P2RX4: variants seen among roughly 807,000 people sequenced by gnomAD.
P2RX4 encodes the protein purinergic receptor P2X 4.
A neutral mutation model predicts 48.0 loss-of-function variants in P2RX4; 37 were observed. The observed-to-expected ratio is 0.77, with a 90% confidence interval of 0.59 to 1.01. P2RX4 has a LOEUF of 1.01. Ranked by LOEUF, P2RX4 falls within the 50% of genes least tolerant of loss-of-function variation. P2RX4 has a pLI of 0.00. For synonymous variants in P2RX4, 200 were observed against 199.7 expected (o/e 1.00, Z -0.01); for missense variants, 501 against 521.4 (o/e 0.96, Z 0.38).
chr12:121,223,555 T>C (rs1437908709), intron 5 of P2RX4: 1 of 176,794 alleles, frequency 5.7e-6, no homozygotes, highest in Non-Finnish European at 1.2e-5. Context: ...AGTGGCAAGA[T>C]GGGCCACAAG....
At chr12:121,212,836 T>TG (rs1885977438) in intron 1 of P2RX4, 1 of 124,502 alleles carries the variant, frequency 8.0e-6, no homozygotes. Flanking sequence ...TTTTTTTTTT[T>TG]TTTTGGAGAC....
intron 1 of P2RX4, chr12:121,212,824 A>ATATTTTTTT (rs370835501): frequency 9.9e-4 from 32 of 32,252 alleles, no homozygotes; most frequent in South Asian, 2.0e-3. Flanking sequence ...ATATATATAT[A>ATATTTTTTT]TTTTTTTTTT....
rs1566011593 is a variant in P2RX4 at position 121,230,974 on chromosome 12, ATATATATAT to A, written c.885-1438_885-1430del. On this transcript the variant is annotated intron_variant, in intron 8 of 11. Transcript: ENST00000337233. ...TAGCCATTATATATATAGCCATTAT[ATATATATAT>A]TTTTTTTTTTTTCTTCTTTTTTAAG... 2.1e-4 allele frequency among the ~76,000 whole-genome samples: 27 copies of A among 128,786 alleles called. 1 individual carries two copies. The South Asian group carries it at 5.0e-3, about 24-fold the overall frequency. 84.5% of individuals were successfully genotyped at this position (128,786 alleles called of 152,430 possible).
In P2RX4 at chr12:121,217,342, C is replaced by T. The variant is rs961073146; in HGVS notation, c.282+61C>T. 4.5e-6 allele frequency: 7 copies of T among 1,545,652 alleles called. No individual in the cohort carries two copies. In the Admixed American group the frequency reaches 6.7e-5, roughly 15 times the overall value. On this transcript the variant is annotated intron_variant, in intron 2 of 11. Transcript: ENST00000337233. ...CACCTTGCTCTTTACTGACTTTGCA[C>T]ACTTGATTAATGATTGACGTGGCCT...
At position 121,233,631 on chromosome 12, in the gene P2RX4, C is replaced by A; in HGVS notation, c.*82C>A. On this transcript the variant is annotated 3_prime_UTR_variant, in exon 12 of 12. Coordinates refer to ENST00000337233, the MANE Select transcript of P2RX4 (RefSeq NM_002560.3). ...AGGGAGAAATGGCCACCACATCACCCCAGAGAAATTTCTGGAATCTGATTG... is the reference window on the plus strand; with the variant it reads ...AGGGAGAAATGGCCACCACATCACCACAGAGAAATTTCTGGAATCTGATTG... The A allele has an allele frequency of 6.4e-7, 1 of 1,559,696 alleles. No individual in the cohort carries two copies.
chr12:121,222,078 C>G lies in P2RX4; in HGVS notation c.355-16C>G, dbSNP rs745969677. 3.1e-6 allele frequency: 5 copies of G among 1,612,650 alleles called. No individual in the cohort carries two copies. The highest frequency in any genetic ancestry group is 4.2e-6 in the Non-Finnish European group (5 of 1,178,690). On this transcript the variant is annotated splice_polypyrimidine_tract_variant and intron_variant, in intron 3 of 11. Transcript: ENST00000337233. ...CCGGGCCACGTGGACTTTCTTTTCG[C>G]TCCTTCTTTTTCCAGATTCCAGATG...
chr12:121,224,991 C>T lies in P2RX4; in HGVS notation c.524+1948C>T, dbSNP rs138316155. Reference sequence around the variant, plus strand: ...TCCAACACAGGAGACTCTGGCCACGCGTGGCTATTGAAAATTGAAATATGG... The same window carrying T: ...TCCAACACAGGAGACTCTGGCCACGTGTGGCTATTGAAAATTGAAATATGG... On this transcript the variant is annotated intron_variant, in intron 5 of 11. Coordinates refer to ENST00000337233, the MANE Select transcript of P2RX4 (RefSeq NM_002560.3). 8.6e-5 allele frequency among the ~76,000 whole-genome samples: 13 copies of T among 151,990 alleles called. No individual in the cohort carries two copies. The East Asian group carries it at 1.4e-3, about 16-fold the overall frequency.
At chr12:121,231,046 GGTGC>G (rs1887326079) in intron 8 of P2RX4, among the ~76,000 whole-genome samples, 1 of 150,476 alleles carries the variant, frequency 6.6e-6, no homozygotes, top group Non-Finnish European at 1.5e-5. Flanking sequence ...GGAGTGCAGT[GGTGC>G]GATTTCAGCT....
chr12:121,233,135 C>T (rs1314372242), intron 11 of P2RX4, 43 bp downstream of exon 11: 1 of 1,403,360 alleles, frequency 7.1e-7, no homozygotes, highest in Non-Finnish European at 1.0e-6. Context: ...CCTCTCATCT[C>T]TTGGGTGTGG....
rs922878185 is a variant in P2RX4 at position 121,232,343 on chromosome 12, C to CT, written c.885-70dup. 5 of 1,075,688 alleles carry CT rather than the reference C, an allele frequency of 4.6e-6. No homozygotes were observed. Among genetic ancestry groups the CT allele is most frequent in the African/African-American group, 4.6e-5 (3 of 64,764 alleles). 66.6% of individuals were successfully genotyped at this position (1,075,688 alleles called of 1,614,324 possible). A position where few individuals can be genotyped will look rare whatever the true frequency, so the allele number is the denominator to read the frequency against. ...ACCATTCACCTGTGCCAGCTCCACT[C>CT]TAACGTTCTCTCACAGGGCCCAAGG... On this transcript the variant is annotated intron_variant, in intron 8 of 11. Transcript: ENST00000337233. This position sits in a 1 kb window ranked among gnomAD's most constrained non-coding sequence, Gnocchi z 4.3.
intron 2 of P2RX4, 101 bp from the exon 3 acceptor site, chr12:121,221,812 G>C (rs781520313): frequency 1.1e-6 from 1 of 906,350 alleles, no homozygotes; most frequent in Non-Finnish European, 1.8e-6. Context: ...GGGAGAGCAC[G>C]CGGTCAGTGT....
chr12:121,232,599 G>A lies in P2RX4; in HGVS notation c.979-12G>A, dbSNP rs375448746. On this transcript the variant is annotated splice_polypyrimidine_tract_variant and intron_variant, in intron 9 of 11. Transcript: ENST00000337233. The surrounding 1 kb of genome is among the most constrained non-coding windows in gnomAD (Gnocchi z 4.3). Reference sequence around the variant, plus strand: ...GCAGAAACACTTTTTTTCTTTTTCGGTGTCTTGGCAGGCAGGGAAATTTGA... The same window carrying A: ...GCAGAAACACTTTTTTTCTTTTTCGATGTCTTGGCAGGCAGGGAAATTTGA... 214 of 1,613,496 alleles carry A rather than the reference G, an allele frequency of 1.3e-4. No homozygotes were observed. The highest frequency in any genetic ancestry group is 5.8e-4 in the Admixed American group (35 of 59,994).
At chr12:121,217,552 T>C (rs1332141813) in intron 2 of P2RX4, among the ~76,000 whole-genome samples, 1 of 152,014 alleles carries the variant, frequency 6.6e-6, no homozygotes, top group African/African-American at 2.4e-5. Context: ...CTGATAGAAA[T>C]TCAAGTGGAA....
Position 121,232,288 on chromosome 12 carries a change from G to A in P2RX4, c.885-126G>A, listed in dbSNP as rs376761521. On this transcript the variant is annotated intron_variant, in intron 8 of 11. Transcript: ENST00000337233. This position sits in a 1 kb window ranked among gnomAD's most constrained non-coding sequence, Gnocchi z 4.3. ...CCTCAGCCAGGAGAGGCCCCGAGCC[G>A]CTCCAGCGTCCATTCAGCCGGCAGA... 6.1e-4 allele frequency: 431 copies of A among 706,058 alleles called. 2 individuals are homozygous for A. The East Asian group carries it at 0.01, about 17-fold the overall frequency. The allele number at this position is 706,058 out of a possible 1,614,324, so 43.7% of individuals were successfully genotyped here. A position where few individuals can be genotyped will look rare whatever the true frequency, so the allele number is the denominator to read the frequency against.
At chr12:121,223,120 T>A in intron 5 of P2RX4, 77 bp downstream of exon 5, 1 of 933,298 alleles carries the variant, frequency 1.1e-6, no homozygotes, top group African/African-American at 1.6e-5. Flanking sequence ...GTATCCCAGG[T>A]TGGAGTGCAG....
chr12:121,224,679 G>A (rs77849437), intron 5 of P2RX4, among the ~76,000 whole-genome samples: 193 of 152,092 alleles, frequency 1.3e-3, no homozygotes, highest in Non-Finnish European at 1.5e-3. Context: ...GGTTGCTCTA[G>A]AATAACATTC....
In P2RX4 at chr12:121,217,243, C is replaced by G. The variant is rs959351867; in HGVS notation, c.244C>G (p.Arg82Gly). 1 of 1,614,072 alleles carries G rather than the reference C, an allele frequency of 6.2e-7. No individual in the cohort carries two copies. Among genetic ancestry groups the G allele is most frequent in the Admixed American group, 1.7e-5 (1 of 59,988 alleles). Residue 82 changes from arginine (R) to glycine (G), a missense_variant, in exon 2 of 12, where the codon CGG (arginine) becomes GGG (glycine). Arg to Gly is a moderately radical substitution (Grantham distance 125). This residue lies in a region of P2RX4 where 295 missense variants were observed against 275.3 expected (regional missense o/e 1.07). Coordinates refer to ENST00000337233, the MANE Select transcript of P2RX4 (RefSeq NM_002560.3). ...AVTNTSKLGF[R>G]IWDVADYVIP... ...GACCAACACTTCTAAACTTGGATTC[C>G]GGATCTGGGATGTGGCGGATTATGT...
intron 1 of P2RX4, chr12:121,212,819 TATATA>T (rs1453812746): frequency 3.7e-4 from 17 of 45,906 alleles, no homozygotes; most frequent in African/African-American, 1.4e-3. Flanking sequence ...TATATATATA[TATATA>T]TTTTTTTTTT....
At chr12:121,215,462 T>G (rs1886169978) in intron 1 of P2RX4, 1 of 132,302 alleles carries the variant, frequency 7.6e-6, no homozygotes, top group Non-Finnish European at 1.6e-5. Context: ...TTTTTTTTTT[T>G]TTGAGACAGA....
Sources: allele counts gnomAD v4.1 joint callset (sites outside exome capture counted in the v4.1 genomes callset), GRCh38; gene constraint gnomAD v4.1.1; regional missense constraint gnomAD v4.1.1; non-coding constraint Gnocchi (gnomAD v3.1); transcripts MANE v1.5; gene names NCBI Gene and HGNC (gene_info 2026-07-23, HGNC 2026-07-21).